PEPD: variants seen among roughly 807,000 people sequenced by gnomAD.
PEPD encodes xaa-Pro dipeptidase.
Under a neutral mutation model 60.7 loss-of-function variants are expected in PEPD, and 53 were observed. That is an observed-to-expected ratio of 0.87 (90% CI 0.70 to 1.10). The LOEUF (loss-of-function observed/expected upper bound fraction) is 1.10, where lower values mean the gene tolerates loss of function less well. PEPD is among the 50% of genes least tolerant of loss of function. The pLI is 0.00. For synonymous variants in PEPD, 267 were observed against 284.1 expected (o/e 0.94, Z 0.60); for missense variants, 711 against 711.9 (o/e 1.00, Z 0.01).
At chr19:33,408,854 T>C (rs1968700138) in intron 11 of PEPD, among the ~76,000 whole-genome samples, 1 of 152,252 alleles carries the variant, frequency 6.6e-6, no homozygotes, top group South Asian at 2.1e-4. Flanking sequence ...GGCAGATCAA[T>C]TTCAATACAA....
At chr19:33,415,062 C>T (rs570484479) in intron 9 of PEPD, among the ~76,000 whole-genome samples, 5 of 152,298 alleles carry the variant, frequency 3.3e-5, no homozygotes, top group South Asian at 2.1e-4. Context: ...AAGCCCTGTG[C>T]GCCAGGCCAG....
intron 9 of PEPD, among the ~76,000 whole-genome samples, chr19:33,449,333 G>T (rs1322464099): frequency 6.6e-6 from 1 of 152,176 alleles, no homozygotes; most frequent in Non-Finnish European, 1.5e-5. Context: ...CCGCATGGTG[G>T]GGTCAATCAG....
At chr19:33,439,325 T>A (rs1969440806) in intron 9 of PEPD, among the ~76,000 whole-genome samples, 2 of 152,126 alleles carry the variant, frequency 1.3e-5, no homozygotes, top group Non-Finnish European at 2.9e-5. Flanking sequence ...AGCCGAGGGG[T>A]CCTGGCTGTT....
At chr19:33,420,459 T>C (rs1302342559) in intron 9 of PEPD, among the ~76,000 whole-genome samples, 1 of 152,110 alleles carries the variant, frequency 6.6e-6, no homozygotes, top group Admixed American at 6.5e-5. Context: ...TCCCAACACT[T>C]TGGGAGGCCA....
intron 13 of PEPD, among the ~76,000 whole-genome samples, chr19:33,390,528 T>TG (rs908751105): frequency 6.6e-6 from 1 of 152,212 alleles, no homozygotes; most frequent in Non-Finnish European, 1.5e-5. Flanking sequence ...GCTAACTGGC[T>TG]GGGGGGCCCC....
chr19:33,492,833 C>G (rs537936801), intron 5 of PEPD, among the ~76,000 whole-genome samples: 18 of 152,208 alleles, frequency 1.2e-4, no homozygotes, highest in Non-Finnish European at 2.1e-4. Flanking sequence ...GCTATTCAGA[C>G]TGAGCAGGTA....
At chr19:33,448,832 T>C (rs1009069447) in intron 9 of PEPD, among the ~76,000 whole-genome samples, 2 of 152,198 alleles carry the variant, frequency 1.3e-5, no homozygotes, top group African/African-American at 2.4e-5. Context: ...AAAAATCTGA[T>C]TTTTCAAATT....
At chr19:33,425,166 T>A (rs1969115069) in intron 9 of PEPD, among the ~76,000 whole-genome samples, 2 of 152,022 alleles carry the variant, frequency 1.3e-5, no homozygotes. Context: ...GGTCAGGAGT[T>A]CAAGGCCAGC....
At chr19:33,423,699 A>AT (rs1969085170) in intron 9 of PEPD, among the ~76,000 whole-genome samples, 2 of 152,160 alleles carry the variant, frequency 1.3e-5, no homozygotes, top group African/African-American at 4.8e-5. Context: ...TCCTTAAGGG[A>AT]TTTATACAGG....
chr19:33,487,885 TG>T (rs1275908967), intron 6 of PEPD, among the ~76,000 whole-genome samples: 6 of 152,040 alleles, frequency 3.9e-5, no homozygotes, highest in East Asian at 3.9e-4. Flanking sequence ...GGAATCCTCC[TG>T]GGGGGTAGAA....
intron 3 of PEPD, among the ~76,000 whole-genome samples, chr19:33,502,731 C>A (rs988317952): frequency 2.0e-5 from 3 of 152,166 alleles, no homozygotes; most frequent in Non-Finnish European, 4.4e-5. Flanking sequence ...AATGGGAAAC[C>A]TCCTGGGGGT....
In PEPD at chr19:33,512,349, T is replaced by C. The variant is rs153701; in HGVS notation, c.201+244A>G. On this transcript the variant is annotated intron_variant, in intron 2 of 14. Coordinates refer to ENST00000244137, the MANE Select transcript of PEPD (RefSeq NM_000285.4). Reference sequence around the variant, plus strand: ...GTTCCTGTGCCTGGGGACTGAGTGCTGCCAGTGACTCTCAGCCATGGCCAC... The same window carrying C: ...GTTCCTGTGCCTGGGGACTGAGTGCCGCCAGTGACTCTCAGCCATGGCCAC... Among the ~76,000 whole-genome samples, 74,826 of 152,048 alleles carry C rather than the reference T, an allele frequency of 0.49. 19,063 individuals carry two copies. Among genetic ancestry groups the C allele is most frequent in the South Asian group, 0.62 (2,962 of 4,814 alleles).
At chr19:33,411,992 C>T (rs896924526) in intron 10 of PEPD, among the ~76,000 whole-genome samples, 1 of 152,232 alleles carries the variant, frequency 6.6e-6, no homozygotes, top group Admixed American at 6.5e-5. Context: ...TGGCTGAAGG[C>T]GTCGTTAGGC....
intron 3 of PEPD, 115 bp from the exon 4 acceptor site, chr19:33,501,116 C>A: frequency 2.7e-6 from 2 of 741,850 alleles, no homozygotes; most frequent in African/African-American, 1.7e-5. Flanking sequence ...CTATCACGGT[C>A]AGCACCCAGC....
At chr19:33,463,889 G>C in intron 8 of PEPD, 98 bp downstream of exon 8, 3 of 798,764 alleles carry the variant, frequency 3.8e-6, no homozygotes, top group East Asian at 5.3e-5. Flanking sequence ...GGCCCTCAGG[G>C]ATTAGAGCCC....
At chr19:33,457,900 A>T (rs1221750535) in intron 9 of PEPD, among the ~76,000 whole-genome samples, 1 of 152,232 alleles carries the variant, frequency 6.6e-6, no homozygotes, top group Non-Finnish European at 1.5e-5. Flanking sequence ...AGAATGCAGC[A>T]AGGATTTTGC....
At chr19:33,388,589 A>C in intron 13 of PEPD, 1 of 247,080 alleles carries the variant, frequency 4.0e-6, no homozygotes, top group South Asian at 5.3e-5. Flanking sequence ...TTTCCGTGTG[A>C]CTGTCCAGGG....
rs142850924 is a variant in PEPD, at chr19:33,444,848, C to T, written c.671+18147G>A. Among the ~76,000 whole-genome samples the T allele has an allele frequency of 1.6e-3, 238 of 152,268 alleles. 1 individual carries two copies. Among genetic ancestry groups the T allele is most frequent in the Non-Finnish European group, 2.3e-3 (155 of 68,022 alleles). On this transcript the variant is annotated intron_variant, in intron 9 of 14. Transcript: ENST00000244137. ...ACGTGGCAAGTGCCGGAGATCCTCA[C>T]CCCTCTCGGCCTCAGCTCAAGGGTC...
chr19:33,418,185 C>T (rs191622941), intron 9 of PEPD, among the ~76,000 whole-genome samples: 2 of 152,334 alleles, frequency 1.3e-5, no homozygotes, highest in Admixed American at 1.3e-4. Flanking sequence ...TGTGTATAGT[C>T]GTCTCAGCAC....
Sources: allele counts gnomAD v4.1 joint callset (sites outside exome capture counted in the v4.1 genomes callset), GRCh38; gene constraint gnomAD v4.1.1; transcripts MANE v1.5; gene names NCBI Gene and HGNC (gene_info 2026-07-23, HGNC 2026-07-21).